Variants in CADM1 observed in about 807,000 individuals in gnomAD.
CADM1 encodes cell adhesion molecule 1.
Under a neutral mutation model 53.1 loss-of-function variants are expected in CADM1, and 15 were observed. That is an observed-to-expected ratio of 0.28 (90% CI 0.19 to 0.44). The LOEUF is 0.44. Among genes scored for constraint, CADM1 ranks in the 20% least tolerant of loss-of-function variants. The pLI is 1.00. For synonymous variants in CADM1, 281 were observed against 243.0 expected, an observed-to-expected ratio of 1.16 and a Z score of -1.45; for missense variants, 434 against 611.3, an observed-to-expected ratio of 0.71 and a Z score of 3.06.
intron 1 of CADM1, among the ~76,000 whole-genome samples, chr11:115,475,263 TATTTTA>T (rs149423417): frequency 3.1e-4 from 47 of 152,322 alleles, no homozygotes; most frequent in African/African-American, 1.1e-3. Flanking sequence ...TATTGTTGTA[TATTTTA>T]ATTTTATTTT....
intron 1 of CADM1, among the ~76,000 whole-genome samples, chr11:115,483,291 G>A (rs1949296916): frequency 6.6e-6 from 1 of 152,176 alleles, no homozygotes; most frequent in Non-Finnish European, 1.5e-5. Context: ...TAACCTGGCA[G>A]TCAAAACTAT....
At chr11:115,365,434 A>C (rs1946132371) in intron 1 of CADM1, among the ~76,000 whole-genome samples, 1 of 152,136 alleles carries the variant, frequency 6.6e-6, no homozygotes, top group Admixed American at 6.6e-5. Context: ...TTACCATGCC[A>C]ATTTAGAGAG....
chr11:115,177,595 C>T (rs1222930537), intron 11 of CADM1, among the ~76,000 whole-genome samples: 1 of 151,846 alleles, frequency 6.6e-6, no homozygotes, highest in Non-Finnish European at 1.5e-5. Context: ...CAGAGTGACA[C>T]ACATGTTCCC....
chr11:115,445,702 G>A (rs1168633844), intron 1 of CADM1: 1 of 424,156 alleles, frequency 2.4e-6, no homozygotes, highest in East Asian at 8.3e-5. Context: ...AAATTAGCTG[G>A]GCGTGGTAGT....
chr11:115,416,694 T>C (rs1464440457), intron 1 of CADM1, among the ~76,000 whole-genome samples: 2 of 114,514 alleles, frequency 1.7e-5, no homozygotes, highest in Admixed American at 1.7e-4. Context: ...TTGTAAGGAT[T>C]AAATACACAC....
At position 115,473,413 on chromosome 11, in the gene CADM1, G is replaced by A. The variant is rs183206928; in HGVS notation, c.124+30858C>T. 1.2e-4 allele frequency among the ~76,000 whole-genome samples: 18 copies of A among 152,210 alleles called. No individual in the cohort carries two copies. In the East Asian group the frequency reaches 3.1e-3, roughly 26 times the overall value. On this transcript the variant is annotated intron_variant, in intron 1 of 11. Transcript: ENST00000331581. ...GTTCAAGGTTGCAGTGAGCCATTAT[G>A]CCGCCACTGCACTCCAGCCTGGATG...
At chr11:115,279,732 G>A (rs553795712) in intron 1 of CADM1, among the ~76,000 whole-genome samples, 30 of 152,162 alleles carry the variant, frequency 2.0e-4, no homozygotes, top group Admixed American at 7.2e-4. Flanking sequence ...CAAGGATGGG[G>A]TGGGGACAAA....
chr11:115,257,258 G>A (rs1453069615), intron 1 of CADM1, among the ~76,000 whole-genome samples: 1 of 152,050 alleles, frequency 6.6e-6, no homozygotes, highest in African/African-American at 2.4e-5. Context: ...GCCAGCACCA[G>A]GGACTCTTTG....
chr11:115,338,815 C>T (rs1436817945), intron 1 of CADM1, among the ~76,000 whole-genome samples: 1 of 151,198 alleles, frequency 6.6e-6, no homozygotes, highest in Non-Finnish European at 1.5e-5. Context: ...GTGCTATATG[C>T]TTTGTAAGAT....
At chr11:115,239,814 T>C (rs547586149) in intron 2 of CADM1, among the ~76,000 whole-genome samples, 1 of 152,302 alleles carries the variant, frequency 6.6e-6, no homozygotes, top group South Asian at 2.1e-4. Context: ...TTTTGTTTTT[T>C]GTGATATTAC....
chr11:115,206,755 C>CT (rs1194703150), intron 8 of CADM1, among the ~76,000 whole-genome samples: 1 of 5,444 alleles, frequency 1.8e-4, no homozygotes, highest in Non-Finnish European at 5.9e-4. Context: ...TGACTGTGGA[C>CT]TTCTTTTTTT....
At chr11:115,290,920 C>T (rs951298940) in intron 1 of CADM1, among the ~76,000 whole-genome samples, 2 of 152,162 alleles carry the variant, frequency 1.3e-5, no homozygotes, top group African/African-American at 2.4e-5. Context: ...GACTGGCATC[C>T]CGTCTTCAGC....
At chr11:115,461,810 G>T (rs1948800998) in intron 1 of CADM1, among the ~76,000 whole-genome samples, 2 of 152,080 alleles carry the variant, frequency 1.3e-5, no homozygotes, top group Non-Finnish European at 2.9e-5. Flanking sequence ...AAACAGGGAA[G>T]TTTGAGAGGG....
intron 9 of CADM1, among the ~76,000 whole-genome samples, chr11:115,195,803 C>T (rs1288893637): frequency 6.6e-6 from 1 of 152,194 alleles, no homozygotes; most frequent in Non-Finnish European, 1.5e-5. Context: ...TAGATATTAT[C>T]TGGCTTTCAT....
intron 1 of CADM1, among the ~76,000 whole-genome samples, chr11:115,261,322 T>C (rs977693475): frequency 3.3e-5 from 5 of 152,196 alleles, no homozygotes; most frequent in Non-Finnish European, 7.3e-5. Context: ...ACTGAACCCA[T>C]ACATTAAGAG....
At chr11:115,312,418 A>G (rs1321382549) in intron 1 of CADM1, among the ~76,000 whole-genome samples, 1 of 152,152 alleles carries the variant, frequency 6.6e-6, no homozygotes, top group Non-Finnish European at 1.5e-5. Flanking sequence ...GGAGGGTAGG[A>G]TGCTAAATAA....
rs527365919 is a variant in CADM1 at position 115,221,445 on chromosome 11, TA to T, written c.722-3455del. Among the ~76,000 whole-genome samples the T allele has an allele frequency of 3.4e-4, 52 of 152,194 alleles. No individual in the cohort carries two copies. The South Asian group carries it at 0.011, about 32-fold the overall frequency. ...AGGTCACACTACAGTAGCAACCAAT[TA>T]AAAAAATAATATTAGAAAGACATTC... On this transcript the variant is annotated intron_variant, in intron 5 of 11. Transcript: ENST00000331581.
At chr11:115,308,283 T>C (rs978149928) in intron 1 of CADM1, among the ~76,000 whole-genome samples, 2 of 151,144 alleles carry the variant, frequency 1.3e-5, no homozygotes, top group South Asian at 2.1e-4. Flanking sequence ...ATTTCAGTAC[T>C]CTGGAGCAAA....
intron 10 of CADM1, among the ~76,000 whole-genome samples, chr11:115,179,587 T>C (rs1258168118): frequency 7.2e-5 from 11 of 152,292 alleles, no homozygotes; most frequent in Non-Finnish European, 8.8e-5. Flanking sequence ...GTGTAAACAA[T>C]TTTAATTTAG....
Sources: gnomAD v4.1 joint callset for allele counts (sites outside exome capture counted in the v4.1 genomes callset) on GRCh38, gnomAD v4.1.1 for gene constraint, MANE v1.5 for transcripts, NCBI Gene and HGNC (gene_info 2026-07-23, HGNC 2026-07-21) for gene names.